SCP2: variants seen among roughly 807,000 people sequenced by gnomAD.
SCP2 encodes the protein SCP-2/3-oxoacyl-CoA thiolase.
In SCP2, 48 loss-of-function variants were observed where a neutral mutation model predicts 71.4. The observed-to-expected ratio is 0.67, with a 90% CI of 0.53 to 0.86. The LOEUF is 0.86. Among genes scored for constraint, SCP2 ranks in the 40% least tolerant of loss-of-function variants. The pLI is 0.00. For missense variants in SCP2, 560 were observed against 655.6 expected, an observed-to-expected ratio of 0.85 and a Z score of 1.59; for synonymous variants, 220 against 218.1, an observed-to-expected ratio of 1.01 and a Z score of -0.08.
Position 52,974,947 on chromosome 1 carries a change from T to G in SCP2, c.587+115T>G, listed in dbSNP as rs1657818998. 13 of 701,420 alleles carry G rather than the reference T, an allele frequency of 1.9e-5. No individual in the cohort carries two copies. The South Asian group carries it at 1.9e-4, about 10-fold the overall frequency. The allele number at this position is 701,420 out of a possible 1,614,324, so 43.4% of individuals were successfully genotyped here. A position where few individuals can be genotyped will look rare whatever the true frequency, so the allele number is the denominator to read the frequency against. On this transcript the variant is annotated intron_variant, in intron 7 of 15. Coordinates refer to ENST00000371514, the MANE Select transcript of SCP2 (RefSeq NM_002979.5). Reference sequence around the variant, plus strand: ...TCTCAAATATTTTAACTAGAATGTTTTATTTTTTTCTTACAAAAGGCTTAT... The same window carrying G: ...TCTCAAATATTTTAACTAGAATGTTGTATTTTTTTCTTACAAAAGGCTTAT...
At chr1:53,039,122 G>C (rs1254762768) in intron 14 of SCP2, 76 bp downstream of exon 14, 5 of 1,547,736 alleles carry the variant, frequency 3.2e-6, no homozygotes, top group Non-Finnish European at 4.5e-6. Flanking sequence ...ATGGGGGTCT[G>C]CTTTACTGTT....
chr1:52,960,588 GTATATGTATATATGTATGTA>G (rs1371649788), intron 5 of SCP2, among the ~76,000 whole-genome samples: 14 of 144,954 alleles, frequency 9.7e-5, no homozygotes, highest in South Asian at 2.1e-4. Context: ...ATATATGTAT[GTATATGTATATATGTATGTA>G]TATATGTATA....
intron 10 of SCP2, among the ~76,000 whole-genome samples, chr1:52,982,699 C>T (rs185536359): frequency 6.6e-6 from 1 of 152,262 alleles, no homozygotes; most frequent in South Asian, 2.1e-4. Flanking sequence ...GCCTTGCAAC[C>T]ATATAGGTCC....
In SCP2 at chr1:53,013,996, C is replaced by T. The variant is rs932020756; in HGVS notation, c.1082-894C>T. ...CTGCAAGCTCTGCCTCCCGGGTTCA[C>T]GCCATTCTCCTGCCTCAGCCTCCCT... On this transcript the variant is annotated intron_variant, in intron 11 of 15. Coordinates refer to ENST00000371514, the MANE Select transcript of SCP2 (RefSeq NM_002979.5). 1.6e-4 allele frequency among the ~76,000 whole-genome samples: 24 copies of T among 145,538 alleles called. 1 individual carries two copies. In the South Asian group the frequency reaches 2.8e-3, roughly 17 times the overall value.
At chr1:52,930,498 C>T (rs533696619) in intron 1 of SCP2, among the ~76,000 whole-genome samples, 53 of 152,114 alleles carry the variant, frequency 3.5e-4, no homozygotes, top group African/African-American at 1.3e-3. Flanking sequence ...TAGTGGCGCA[C>T]ACCTATAGTC....
In SCP2 at chr1:52,948,958, T is replaced by G. The variant is rs573089491; in HGVS notation, c.199+878T>G. Reference sequence around the variant, plus strand: ...CCAACCCCAACAACATTTTTTTTTTTTTGTTTTTGGCAAAGGGGTAAGGTG... The same window carrying G: ...CCAACCCCAACAACATTTTTTTTTTGTTGTTTTTGGCAAAGGGGTAAGGTG... On this transcript the variant is annotated intron_variant, in intron 3 of 15. Transcript: ENST00000371514. Among the ~76,000 whole-genome samples the G allele has an allele frequency of 1.5e-4, 23 of 151,754 alleles. 1 individual carries two copies. The South Asian group carries it at 1.7e-3, about 11-fold the overall frequency.
intron 4 of SCP2, among the ~76,000 whole-genome samples, chr1:52,952,138 C>A (rs1280327779): frequency 3.9e-5 from 6 of 152,086 alleles, no homozygotes; most frequent in Non-Finnish European, 8.8e-5. Context: ...TCTATTTTCT[C>A]CTCCCCTCAG....
rs934309044 is a variant in SCP2, at chr1:52,948,000, T to C, written c.128-9T>C. Reference sequence around the variant, plus strand: ...AGCACTTTTTGATAAAAACCTTTCGTTTTTATAGGCAAGAAGGCTTTAGCT... The same window carrying C: ...AGCACTTTTTGATAAAAACCTTTCGCTTTTATAGGCAAGAAGGCTTTAGCT... On this transcript the variant is annotated splice_polypyrimidine_tract_variant and intron_variant, in intron 2 of 15. Coordinates refer to ENST00000371514, the MANE Select transcript of SCP2 (RefSeq NM_002979.5). The C allele has an allele frequency of 6.2e-7, 1 of 1,605,824 alleles. No homozygotes were observed. The highest frequency in any genetic ancestry group is 1.3e-5 in the African/African-American group (1 of 74,740).
chr1:52,976,767 T>C lies in SCP2; in HGVS notation c.672T>C (p.Cys224=), dbSNP rs371534398. The C allele has an allele frequency of 4.3e-6, 6 of 1,387,624 alleles. No individual in the cohort carries two copies. The African/African-American group carries it at 8.5e-5, about 20-fold the overall frequency. 86.0% of individuals were successfully genotyped at this position (1,387,624 alleles called of 1,614,324 possible). The change falls in exon 8 of 16, where the codon TGT becomes TGC. Residue 224 remains cysteine, a splice_region_variant and synonymous_variant. Transcript: ENST00000371514. ...EVFDFLTILQ[C]CPTSDGAAAA... The stretch of plus-strand genomic sequence containing the variant: ...TTGATTTTTTGACTATCTTACAATG[T>C]TGGTAAGAAAAATATATTTTAACAT...
intron 11 of SCP2, among the ~76,000 whole-genome samples, chr1:53,008,729 A>T (rs1028996815): frequency 2.0e-5 from 3 of 152,242 alleles, no homozygotes; most frequent in African/African-American, 7.2e-5. Flanking sequence ...CAAGACAGGA[A>T]TGCCCTCTCT....
intron 12 of SCP2, among the ~76,000 whole-genome samples, chr1:53,021,146 A>G (rs1015432008): frequency 7.2e-5 from 11 of 151,918 alleles, no homozygotes; most frequent in Non-Finnish European, 8.8e-5. Context: ...AGTTTGGACC[A>G]CAGGCACACA....
chr1:52,954,368 G>C (rs551272485), intron 4 of SCP2, among the ~76,000 whole-genome samples: 1 of 151,782 alleles, frequency 6.6e-6, no homozygotes, highest in East Asian at 1.9e-4. Flanking sequence ...CCTTTGTGGG[G>C]TTATAGTATG....
chr1:53,019,378 T>C (rs984541775), intron 12 of SCP2, among the ~76,000 whole-genome samples: 3 of 152,264 alleles, frequency 2.0e-5, no homozygotes, highest in Admixed American at 2.0e-4. Context: ...CATGAATTCT[T>C]ATTGTATTCA....
intron 10 of SCP2, among the ~76,000 whole-genome samples, chr1:52,984,970 G>T (rs1388774275): frequency 6.6e-6 from 1 of 151,658 alleles, no homozygotes; most frequent in South Asian, 2.1e-4. Context: ...CTCCCGAGTA[G>T]CTGGGATTAC....
intron 1 of SCP2, among the ~76,000 whole-genome samples, chr1:52,927,897 C>T (rs921059531): frequency 7.9e-5 from 12 of 152,146 alleles, no homozygotes; most frequent in African/African-American, 2.9e-4. Flanking sequence ...GCGCCTCGGC[C>T]CGAGTGGCAG....
At position 52,961,570 on chromosome 1, in the gene SCP2, C is replaced by T. The variant is rs776948509; in HGVS notation, c.464C>T (p.Ala155Val). Residue 155 changes from alanine (A) to valine (V), a missense_variant, in exon 6 of 16, where the codon GCT (alanine) becomes GTT (valine). Around this residue, in one of 3 missense-constraint regions of SCP2, gnomAD observed 513 missense variants for 573.1 expected, o/e 0.90. Transcript: ENST00000371514. ...DLLINKYGLS[A>V]HPVAPQMFGY... ...CTGATCAATAAGTATGGATTGTCTG[C>T]TCACCCAGTTGCTCCTCAGATGTTT... 1 of 1,613,522 alleles carries T rather than the reference C, an allele frequency of 6.2e-7. No homozygotes were observed. Among genetic ancestry groups the T allele is most frequent in the East Asian group, 2.2e-5 (1 of 44,854 alleles).
At chr1:52,932,294 C>T (rs1375419204) in intron 1 of SCP2, among the ~76,000 whole-genome samples, 3 of 152,278 alleles carry the variant, frequency 2.0e-5, no homozygotes, top group African/African-American at 4.8e-5. Context: ...GATTTCTCAA[C>T]AGAAACCTTG....
chr1:53,022,052 A>T (rs1287337156), intron 12 of SCP2, among the ~76,000 whole-genome samples: 3 of 152,222 alleles, frequency 2.0e-5, no homozygotes, highest in African/African-American at 7.2e-5. Context: ...TTAGCATATC[A>T]CAAAGTTGTG....
At chr1:52,978,405 G>A (rs766249751) in intron 9 of SCP2, 38 bp downstream of exon 9, 2 of 1,528,698 alleles carry the variant, frequency 1.3e-6, no homozygotes, top group South Asian at 2.2e-5. Flanking sequence ...TTATTTTTAA[G>A]ATGGAGTCTC....
Sources: gnomAD v4.1 joint callset for allele counts (sites outside exome capture counted in the v4.1 genomes callset) on GRCh38, gnomAD v4.1.1 for gene constraint, gnomAD v4.1.1 regional missense constraint, MANE v1.5 for transcripts, NCBI Gene and HGNC (gene_info 2026-07-23, HGNC 2026-07-21) for gene names.